The following TLE4 variants were observed in gnomAD, a reference collection of about 807,000 sequenced individuals.
The protein encoded by TLE4 is TLE family member 4, transcriptional corepressor.
TLE4 carries 8 observed loss-of-function variants against 92.8 expected under a neutral mutation model. That is an observed-to-expected ratio of 0.09 (90% CI 0.05 to 0.16). The LOEUF (loss-of-function observed/expected upper bound fraction) is 0.16. Among genes scored for constraint, TLE4 ranks in the 10% least tolerant of loss-of-function variants. The probability of loss-of-function intolerance (pLI) is 1.00; values close to 1 mark genes in which losing one functional copy is unlikely to be tolerated. For synonymous variants in TLE4, 371 were observed against 374.1 expected (o/e 0.99, Z 0.10); for missense variants, 675 against 997.6 (o/e 0.68, Z 4.36).
At chr9:79,679,888 G>A (rs1429281398) in intron 8 of TLE4, among the ~76,000 whole-genome samples, 3 of 152,014 alleles carry the variant, frequency 2.0e-5, no homozygotes, top group African/African-American at 4.8e-5. Context: ...TTTCCCCATT[G>A]CTTGTTTTTC....
intron 4 of TLE4, among the ~76,000 whole-genome samples, chr9:79,582,639 CT>C (rs35195007): frequency 0.15 from 17,458 of 115,448 alleles, 619 homozygotes; most frequent in East Asian, 0.17. Flanking sequence ...TTTAATGTGG[CT>C]TTTTTTTTTT....
intron 8 of TLE4, among the ~76,000 whole-genome samples, chr9:79,696,271 C>G (rs759694829): frequency 6.6e-6 from 1 of 152,118 alleles, no homozygotes; most frequent in African/African-American, 2.4e-5. Flanking sequence ...TTAAAAAAAT[C>G]TGACTATCCG....
chr9:79,600,774 G>C (rs2045437265), intron 4 of TLE4, among the ~76,000 whole-genome samples: 1 of 151,636 alleles, frequency 6.6e-6, no homozygotes, highest in African/African-American at 2.4e-5. Context: ...GTGTTGTTTT[G>C]AGCAGGGTTA....
chr9:79,697,697 A>G (rs865907975), intron 8 of TLE4, among the ~76,000 whole-genome samples: 2 of 152,126 alleles, frequency 1.3e-5, no homozygotes, highest in African/African-American at 2.4e-5. Flanking sequence ...TTTAAAATCA[A>G]TTTTATTGAT....
In TLE4 at chr9:79,601,666, G is replaced by A. The variant is rs547941446; in HGVS notation, c.253-10990G>A. Among the ~76,000 whole-genome samples, 26 of 152,248 alleles carry A rather than the reference G, an allele frequency of 1.7e-4. 1 individual carries two copies. In the South Asian group the frequency reaches 5.0e-3, roughly 29 times the overall value. ...CTTAATTAATGTGTGTGTTCTGACTGCTTCATGCTATTCCCCCTTCTTTCC... is the reference window on the plus strand; with the variant it reads ...CTTAATTAATGTGTGTGTTCTGACTACTTCATGCTATTCCCCCTTCTTTCC... On this transcript the variant is annotated intron_variant, in intron 4 of 19. Coordinates refer to ENST00000376552, the MANE Select transcript of TLE4 (RefSeq NM_007005.6).
At chr9:79,644,175 G>T (rs2057690802) in intron 6 of TLE4, among the ~76,000 whole-genome samples, 2 of 152,138 alleles carry the variant, frequency 1.3e-5, no homozygotes, top group Admixed American at 6.5e-5. Context: ...GTTCTCACAA[G>T]ATCTGATGGT....
chr9:79,640,745 C>A (rs928653826), intron 6 of TLE4, among the ~76,000 whole-genome samples: 2 of 152,062 alleles, frequency 1.3e-5, no homozygotes, highest in Non-Finnish European at 2.9e-5. Context: ...TTGTTTGAAC[C>A]CCCTGCATTA....
intron 8 of TLE4, chr9:79,671,389 C>T: frequency 2.6e-6 from 1 of 388,298 alleles, no homozygotes; most frequent in Admixed American, 2.8e-5. Flanking sequence ...GGCCCGAGGA[C>T]TGTGATCTCA....
intron 19 of TLE4, 71 bp from the exon 20 acceptor site, chr9:79,724,966 C>T (rs1280951407): frequency 3.8e-6 from 4 of 1,056,644 alleles, no homozygotes; most frequent in Non-Finnish European, 4.1e-6. Context: ...TTTGCATTTG[C>T]TCTAAGTCCT....
At position 79,721,901 on chromosome 9, in the gene TLE4, G is replaced by A; in HGVS notation, c.1986+13G>A. On this transcript the variant is annotated intron_variant, in intron 17 of 19. Coordinates refer to ENST00000376552, the MANE Select transcript of TLE4 (RefSeq NM_007005.6). The stretch of plus-strand genomic sequence containing the variant: ...CTTCACCTCCCAGGTATGATCCGTG[G>A]CTGAGGCATTTTAAAGATACGGTTT... The A allele has an allele frequency of 1.2e-6, 2 of 1,603,756 alleles. No homozygotes were observed. Among genetic ancestry groups the A allele is most frequent in the East Asian group, 4.5e-5 (2 of 44,768 alleles).
chr9:79,659,021 C>T (rs751762303), intron 8 of TLE4, among the ~76,000 whole-genome samples: 6 of 152,154 alleles, frequency 3.9e-5, no homozygotes, highest in Admixed American at 6.5e-5. Context: ...CCACTCAGTC[C>T]TACTGATCTC....
At chr9:79,596,493 A>G (rs1415582314) in intron 4 of TLE4, among the ~76,000 whole-genome samples, 2 of 152,178 alleles carry the variant, frequency 1.3e-5, no homozygotes, top group African/African-American at 4.8e-5. Flanking sequence ...ATCAGTGAGG[A>G]GGCACTTGTC....
chr9:79,623,981 G>C (rs1460622613), intron 5 of TLE4, among the ~76,000 whole-genome samples: 1 of 152,016 alleles, frequency 6.6e-6, no homozygotes, highest in Non-Finnish European at 1.5e-5. Context: ...GTGCTGGCTT[G>C]GTGGCTGAGG....
At chr9:79,631,616 ATGTGTGTGTGTG>A (rs57129541) in intron 6 of TLE4, among the ~76,000 whole-genome samples, 1,258 of 118,230 alleles carry the variant, frequency 0.011, 19 homozygotes, top group African/African-American at 0.036. Context: ...TGAACCTTAA[ATGTGTGTGTGTG>A]TGTGTGTGTG....
At chr9:79,626,552 G>A (rs772650237) in intron 5 of TLE4, among the ~76,000 whole-genome samples, 33 of 152,168 alleles carry the variant, frequency 2.2e-4, no homozygotes, top group Non-Finnish European at 4.1e-4. Flanking sequence ...TATTTGGAGG[G>A]GGTAATTCTT....
chr9:79,684,964 T>TG (rs565762911), intron 8 of TLE4, among the ~76,000 whole-genome samples: 8 of 152,176 alleles, frequency 5.3e-5, no homozygotes, highest in Non-Finnish European at 1.2e-4. Flanking sequence ...GCCCAAGTGG[T>TG]GACTGGCTTG....
intron 5 of TLE4, among the ~76,000 whole-genome samples, chr9:79,613,633 A>G (rs1432006455): frequency 6.6e-6 from 1 of 152,196 alleles, no homozygotes; most frequent in Non-Finnish European, 1.5e-5. Context: ...GAGAAGGCAC[A>G]GAGGCACTTT....
chr9:79,625,940 C>A (rs1028388940), intron 5 of TLE4, among the ~76,000 whole-genome samples: 1 of 150,560 alleles, frequency 6.6e-6, no homozygotes, highest in African/African-American at 2.4e-5. Context: ...TAAGCTCCTG[C>A]TTTGAAAATG....
intron 5 of TLE4, among the ~76,000 whole-genome samples, chr9:79,618,442 A>G (rs1018798240): frequency 1.1e-4 from 16 of 152,210 alleles, no homozygotes; most frequent in African/African-American, 3.6e-4. Flanking sequence ...AAGAACCTAC[A>G]TGAACAGTAT....
Sources: allele counts gnomAD v4.1 joint callset (sites outside exome capture counted in the v4.1 genomes callset), GRCh38; gene constraint gnomAD v4.1.1; transcripts MANE v1.5; gene names NCBI Gene and HGNC (gene_info 2026-07-23, HGNC 2026-07-21).